Variants in MARCHF4 observed in about 807,000 individuals in gnomAD.
MARCHF4 encodes membrane associated ring-CH-type finger 4.
A neutral mutation model predicts 43.9 loss-of-function variants in MARCHF4; 14 were observed. That is an observed-to-expected ratio of 0.32 (90% CI 0.21 to 0.50). The LOEUF (loss-of-function observed/expected upper bound fraction) is 0.50, where lower values mean the gene tolerates loss of function less well. MARCHF4 is among the 20% of genes least tolerant of loss of function. MARCHF4 has a pLI of 0.98. For missense variants in MARCHF4, 468 were observed against 536.7 expected (o/e 0.87, Z 1.27); for synonymous variants, 226 against 213.3 (o/e 1.06, Z -0.52).
chr2:216,296,895 A>C (rs1268584957), intron 1 of MARCHF4, among the ~76,000 whole-genome samples: 1 of 151,976 alleles, frequency 6.6e-6, no homozygotes, highest in Non-Finnish European at 1.5e-5. Context: ...ACCAAACCCT[A>C]CTCTGGGCTC....
chr2:216,269,140 T>C (rs1690894151), intron 3 of MARCHF4, among the ~76,000 whole-genome samples: 1 of 152,198 alleles, frequency 6.6e-6, no homozygotes, highest in Admixed American at 6.5e-5. Flanking sequence ...CCTGACCCCA[T>C]ATCAATCACA....
intron 1 of MARCHF4, among the ~76,000 whole-genome samples, chr2:216,323,830 T>C (rs932305421): frequency 1.6e-4 from 24 of 151,562 alleles, no homozygotes; most frequent in Admixed American, 6.6e-4. Flanking sequence ...AGAAGGAAAT[T>C]TATAGCACTA....
At chr2:216,299,373 A>G (rs1691451585) in intron 1 of MARCHF4, among the ~76,000 whole-genome samples, 1 of 152,212 alleles carries the variant, frequency 6.6e-6, no homozygotes, top group Non-Finnish European at 1.5e-5. Context: ...CAGCATAGTC[A>G]GTCTCTGAGA....
At chr2:216,259,733 G>C in intron 3 of MARCHF4, 54 bp from the exon 4 acceptor site, 1 of 1,547,726 alleles carries the variant, frequency 6.5e-7, no homozygotes. Flanking sequence ...AGTGGGTCAC[G>C]GCCAGGAGAC....
chr2:216,268,321 T>G (rs982020745), intron 3 of MARCHF4, among the ~76,000 whole-genome samples: 4 of 152,196 alleles, frequency 2.6e-5, no homozygotes, highest in Non-Finnish European at 4.4e-5. Context: ...GTAGCCGATA[T>G]GGTTTGGCTG....
At chr2:216,320,004 T>A (rs1236190546) in intron 1 of MARCHF4, among the ~76,000 whole-genome samples, 1 of 152,210 alleles carries the variant, frequency 6.6e-6, no homozygotes, top group Non-Finnish European at 1.5e-5. Context: ...TCTGTGAGTT[T>A]AGAAGCTGAA....
chr2:216,369,906 A>C lies in MARCHF4; in HGVS notation c.355T>G (p.Trp119Gly). ...GGTGGCTCTGTGGCTGGGCCACCCC[A>C]GTCATCTTCCACAGAAGAAGGTGGC... ...PLPPSSVEDD[W>G]GGPATEPPAS... is the part of the protein sequence containing the mutation. The change falls in exon 1 of 4, where the codon TGG becomes GGG. Residue 119 changes from tryptophan to glycine, a missense_variant. Physicochemically the swap from Trp to Gly is radical, Grantham distance 184 (BLOSUM62 -2). This residue lies in a region of MARCHF4 where 190 missense variants were observed against 158.5 expected (regional missense o/e 1.20). Transcript: ENST00000273067. 2 of 1,613,126 alleles carry C rather than the reference A, an allele frequency of 1.2e-6. No homozygotes were observed.
In MARCHF4 at chr2:216,277,832, C is replaced by T. The variant is rs376866224; in HGVS notation, c.705G>A (p.Lys235=). The change falls in exon 3 of 4, where the codon AAG becomes AAA. Residue 235 remains lysine (K), a synonymous_variant. Coordinates refer to ENST00000273067, the MANE Select transcript of MARCHF4 (RefSeq NM_020814.3). ...CCAGGATGGCGGCTGCAACCTGAAC[C>T]TTCTCAATGACCGTCAGAGAGATGG... ...WQAISLTVIE[K]VQVAAAILGS... is the part of the protein sequence containing the mutation. 8.7e-6 allele frequency: 14 copies of T among 1,613,604 alleles called. No homozygotes were observed. In the African/African-American group the frequency reaches 1.9e-4, roughly 22 times the overall value.
intron 1 of MARCHF4, among the ~76,000 whole-genome samples, chr2:216,286,351 C>T (rs926641333): frequency 3.3e-5 from 5 of 151,986 alleles, no homozygotes; most frequent in South Asian, 4.2e-4. Flanking sequence ...CCAGCCTGGC[C>T]AACATGGCGA....
chr2:216,265,517 A>G (rs1690831855), intron 3 of MARCHF4: 1 of 149,564 alleles, frequency 6.7e-6, no homozygotes, highest in Non-Finnish European at 1.5e-5. Context: ...TTTTTTTTTG[A>G]CAGGGTCTCT....
chr2:216,314,368 G>A (rs894402479), intron 1 of MARCHF4, among the ~76,000 whole-genome samples: 90 of 150,868 alleles, frequency 6.0e-4, no homozygotes, highest in Non-Finnish European at 2.4e-4. Flanking sequence ...CCACTGCCCA[G>A]GCTGGAGTGC....
intron 1 of MARCHF4, among the ~76,000 whole-genome samples, chr2:216,297,419 C>T (rs1326559642): frequency 1.3e-5 from 2 of 152,166 alleles, no homozygotes; most frequent in Non-Finnish European, 2.9e-5. Context: ...TAGAACAGCC[C>T]ACACCTCTGC....
intron 1 of MARCHF4, among the ~76,000 whole-genome samples, chr2:216,320,453 G>C (rs142657256): frequency 6.6e-6 from 1 of 152,114 alleles, no homozygotes; most frequent in African/African-American, 2.4e-5. Context: ...CTGAGGCTTT[G>C]AGGCATGAAA....
rs527897038 is a variant in MARCHF4 at position 216,308,743 on chromosome 2, G to A, written c.517-25014C>T. On this transcript the variant is annotated intron_variant, in intron 1 of 3. Coordinates refer to ENST00000273067, the MANE Select transcript of MARCHF4 (RefSeq NM_020814.3). ...ATGACGTATGCGTGCTGCCCAGACAGTTATATATCATTCATAGCTCATTAA... is the reference window on the plus strand; with the variant it reads ...ATGACGTATGCGTGCTGCCCAGACAATTATATATCATTCATAGCTCATTAA... Among the ~76,000 whole-genome samples the A allele has an allele frequency of 3.3e-5, 5 of 152,274 alleles. No homozygotes were observed. The South Asian group carries it at 1.0e-3, about 32-fold the overall frequency.
rs763635655 is a variant in MARCHF4 at position 216,322,095 on chromosome 2, A to ATG, written c.517-38368_517-38367dup. Among the ~76,000 whole-genome samples, 132 of 151,540 alleles carry ATG rather than the reference A, an allele frequency of 8.7e-4. 1 individual carries two copies. Among genetic ancestry groups the ATG allele is most frequent in the African/African-American group, 1.6e-3 (67 of 41,398 alleles). ...TGCACAATGAGGTATACTTAAGGGG[A>ATG]TGTGTGTGTGTGTGTGTCCTGGTAA... is the stretch of plus-strand genomic sequence containing the variant. On this transcript the variant is annotated intron_variant, in intron 1 of 3. Coordinates refer to ENST00000273067, the MANE Select transcript of MARCHF4 (RefSeq NM_020814.3).
chr2:216,298,843 G>T (rs191142853), intron 1 of MARCHF4, among the ~76,000 whole-genome samples: 1 of 152,138 alleles, frequency 6.6e-6, no homozygotes, highest in African/African-American at 2.4e-5. Context: ...TGATTTCACA[G>T]GTCCTGTCCA....
chr2:216,357,400 C>T (rs897166767), intron 1 of MARCHF4, among the ~76,000 whole-genome samples: 1 of 152,200 alleles, frequency 6.6e-6, no homozygotes, highest in South Asian at 2.1e-4. Flanking sequence ...TGGCTCCCTG[C>T]AGCCTCTGCC....
At chr2:216,288,179 G>A (rs2105943294) in intron 1 of MARCHF4, among the ~76,000 whole-genome samples, 1 of 152,316 alleles carries the variant, frequency 6.6e-6, no homozygotes, top group East Asian at 1.9e-4. Flanking sequence ...AGCCCAGGCT[G>A]ATCTCAAACT....
intron 3 of MARCHF4, among the ~76,000 whole-genome samples, chr2:216,267,727 T>C (rs1690868409): frequency 6.6e-6 from 1 of 152,238 alleles, no homozygotes; most frequent in Non-Finnish European, 1.5e-5. Flanking sequence ...ATTTATCAAA[T>C]TGGGGCTATT....
Sources: gnomAD v4.1 joint callset for allele counts (sites outside exome capture counted in the v4.1 genomes callset) on GRCh38, gnomAD v4.1.1 for gene constraint, gnomAD v4.1.1 regional missense constraint, MANE v1.5 for transcripts, NCBI Gene and HGNC (gene_info 2026-07-23, HGNC 2026-07-21) for gene names.